TLK1: variants seen among roughly 807,000 people sequenced by gnomAD.
TLK1 encodes the protein serine/threonine-protein kinase tousled-like 1.
Under a neutral mutation model 105.3 loss-of-function variants are expected in TLK1, and 24 were observed. The observed-to-expected ratio is 0.23, with a 90% CI of 0.17 to 0.32. The LOEUF (loss-of-function observed/expected upper bound fraction) is 0.32. Ranked by LOEUF, TLK1 falls within the 10% of genes least tolerant of loss-of-function variation. The pLI is 1.00. For missense variants in TLK1, 558 were observed against 910.5 expected (o/e 0.61, Z 4.98); for synonymous variants, 321 against 310.4 (o/e 1.03, Z -0.36).
At position 171,082,636 on chromosome 2, in the gene TLK1, C is replaced by T; in HGVS notation, c.330+145G>A. On this transcript the variant is annotated intron_variant, in intron 3 of 20. Coordinates refer to ENST00000431350, the MANE Select transcript of TLK1 (RefSeq NM_012290.5). ...AGTCTTCAATCTGAATGTTGTGCTT[C>T]ATAAGGCAGAACAAAACATTCCTAT... 4.4e-6 allele frequency: 3 copies of T among 677,408 alleles called. No homozygotes were observed. In the South Asian group the frequency reaches 5.4e-5, roughly 12 times the overall value. 42.0% of individuals were successfully genotyped at this position (677,408 alleles called of 1,614,324 possible). A position where few individuals can be genotyped will look rare whatever the true frequency, so the allele number is the denominator to read the frequency against.
intron 1 of TLK1, among the ~76,000 whole-genome samples, chr2:171,173,706 A>G (rs190738842): frequency 6.6e-6 from 1 of 152,022 alleles, no homozygotes; most frequent in African/African-American, 2.4e-5. Context: ...ATGACTCTTT[A>G]ATTTGTTTCT....
At chr2:171,117,947 G>A (rs995787895) in intron 1 of TLK1, 90 bp from the exon 2 acceptor site, 4 of 874,850 alleles carry the variant, frequency 4.6e-6, no homozygotes, top group Non-Finnish European at 4.8e-6. Flanking sequence ...GATTAGTTAA[G>A]ATGTTAAAAA....
At chr2:171,222,533 T>C (rs1693827488) in intron 1 of TLK1, among the ~76,000 whole-genome samples, 1 of 152,092 alleles carries the variant, frequency 6.6e-6, no homozygotes, top group African/African-American at 2.4e-5. Flanking sequence ...GGTTTTGCCA[T>C]GTTGCTCAGG....
At chr2:171,007,128 T>A (rs893424978) in intron 14 of TLK1, 65 bp from the exon 15 acceptor site, 7 of 1,378,064 alleles carry the variant, frequency 5.1e-6, no homozygotes, top group Non-Finnish European at 7.0e-6. Context: ...AGATGTTTTT[T>A]ATTTTGGTGA....
rs571890429 is a variant in TLK1 at position 171,103,264 on chromosome 2, T to TTATATATATA, written c.258+14465_258+14474dup. Among the ~76,000 whole-genome samples, 132 of 136,510 alleles carry TTATATATATA rather than the reference T, an allele frequency of 9.7e-4. 6 individuals carry two copies. The highest frequency in any genetic ancestry group is 3.7e-3 in the African/African-American group (121 of 32,540). 89.6% of individuals were successfully genotyped at this position (136,510 alleles called of 152,430 possible). Reference sequence around the variant, plus strand: ...GTTAAGAAAAAAATTGATCTCAAATTTATATATATATATATATAATTTTTT... The same window carrying TTATATATATA: ...GTTAAGAAAAAAATTGATCTCAAATTTATATATATATATATATATATATATATAATTTTTT... On this transcript the variant is annotated intron_variant, in intron 2 of 20. Coordinates refer to ENST00000431350, the MANE Select transcript of TLK1 (RefSeq NM_012290.5).
At chr2:171,052,797 T>G (rs1257790897) in intron 8 of TLK1, among the ~76,000 whole-genome samples, 1 of 152,206 alleles carries the variant, frequency 6.6e-6, no homozygotes, top group Non-Finnish European at 1.5e-5. Context: ...AAAGACACAC[T>G]GGATGTTTTA....
At chr2:171,084,828 G>C (rs577015884) in intron 2 of TLK1, among the ~76,000 whole-genome samples, 14 of 152,102 alleles carry the variant, frequency 9.2e-5, no homozygotes, top group Non-Finnish European at 1.6e-4. Context: ...TAAGGTAACA[G>C]AACTCAAGAA....
At chr2:171,085,071 A>G (rs1281006080) in intron 2 of TLK1, among the ~76,000 whole-genome samples, 1 of 152,166 alleles carries the variant, frequency 6.6e-6, no homozygotes, top group East Asian at 1.9e-4. Flanking sequence ...AAAGCCAGAA[A>G]ATAGTAAAAA....
At chr2:171,137,892 A>C (rs571854662) in intron 1 of TLK1, among the ~76,000 whole-genome samples, 4 of 151,998 alleles carry the variant, frequency 2.6e-5, no homozygotes, top group South Asian at 4.2e-4. Context: ...ATAAAAAAAA[A>C]ACTTTCATTA....
intron 1 of TLK1, among the ~76,000 whole-genome samples, chr2:171,186,219 C>A (rs567069964): frequency 1.3e-5 from 2 of 152,172 alleles, no homozygotes; most frequent in South Asian, 4.2e-4. Context: ...TAATCCTCAT[C>A]GAAATGCCTA....
intron 1 of TLK1, among the ~76,000 whole-genome samples, chr2:171,158,539 T>C (rs1692322456): frequency 1.3e-5 from 2 of 152,232 alleles, no homozygotes; most frequent in Non-Finnish European, 1.5e-5. Flanking sequence ...CACTATGTCC[T>C]CAGTATCCAG....
At chr2:171,082,644 A>C in intron 3 of TLK1, 137 bp downstream of exon 3, 1 of 706,944 alleles carries the variant, frequency 1.4e-6, no homozygotes, top group Non-Finnish European at 2.5e-6. Flanking sequence ...TTCATAAGGC[A>C]GAACAAAACA....
intron 14 of TLK1, among the ~76,000 whole-genome samples, 159 bp from the exon 15 acceptor site, chr2:171,007,222 C>T (rs946644309): frequency 5.3e-5 from 8 of 152,010 alleles, no homozygotes; most frequent in African/African-American, 1.7e-4. Context: ...AGCTCAATGA[C>T]ACTTTTATTA....
intron 3 of TLK1, among the ~76,000 whole-genome samples, chr2:171,070,454 C>CT (rs2105459996): frequency 6.6e-6 from 1 of 152,198 alleles, no homozygotes; most frequent in South Asian, 2.1e-4. Flanking sequence ...TAGTAACCAT[C>CT]TTTTTACCCT....
intron 1 of TLK1, among the ~76,000 whole-genome samples, chr2:171,206,408 G>C (rs1349010215): frequency 6.6e-6 from 1 of 152,196 alleles, no homozygotes; most frequent in Non-Finnish European, 1.5e-5. Context: ...TAGGATGGAT[G>C]AGAGAGGAGA....
chr2:171,162,403 C>T (rs1385607749), upstream of TLK1, among the ~76,000 whole-genome samples: 2 of 152,032 alleles, frequency 1.3e-5, 1 homozygote, highest in Non-Finnish European at 2.9e-5. Flanking sequence ...CCGGGTGTAG[C>T]GGCACGCGCC....
At chr2:171,068,131 A>T (rs577204742) in intron 3 of TLK1, among the ~76,000 whole-genome samples, 1 of 152,238 alleles carries the variant, frequency 6.6e-6, no homozygotes, top group East Asian at 1.9e-4. Flanking sequence ...GTTCGAGACC[A>T]GCCTGGCCAA....
At chr2:171,150,078 G>A (rs1045624401) in intron 1 of TLK1, among the ~76,000 whole-genome samples, 1 of 152,144 alleles carries the variant, frequency 6.6e-6, no homozygotes, top group Non-Finnish European at 1.5e-5. Flanking sequence ...CTGTGATTAA[G>A]TGCAAGGCAT....
chr2:171,146,341 GTTC>G (rs1294461035), intron 1 of TLK1, among the ~76,000 whole-genome samples: 1 of 152,082 alleles, frequency 6.6e-6, no homozygotes, highest in African/African-American at 2.4e-5. Flanking sequence ...TTCTTTTGTA[GTTC>G]TTAAGTGTGA....
Sources: gnomAD v4.1 joint callset for allele counts (sites outside exome capture counted in the v4.1 genomes callset) on GRCh38, gnomAD v4.1.1 for gene constraint, MANE v1.5 for transcripts, NCBI Gene and HGNC (gene_info 2026-07-23, HGNC 2026-07-21) for gene names.